Variants in SYT14 observed in about 807,000 individuals in gnomAD.
SYT14 encodes synaptotagmin 14.
A neutral mutation model predicts 74.2 loss-of-function variants in SYT14; 32 were observed. That is an observed-to-expected ratio of 0.43 (90% confidence interval 0.33 to 0.58). SYT14 has a LOEUF of 0.58. Among genes scored for constraint, SYT14 ranks in the 20% least tolerant of loss-of-function variants. The pLI is 0.05. For missense variants in SYT14, 791 were observed against 981.8 expected, an observed-to-expected ratio of 0.81 and a Z score of 2.60; for synonymous variants, 298 against 337.7, an observed-to-expected ratio of 0.88 and a Z score of 1.29.
chr1:210,039,345 A>G (rs761437948), intron 5 of SYT14, among the ~76,000 whole-genome samples: 1 of 152,076 alleles, frequency 6.6e-6, no homozygotes, highest in African/African-American at 2.4e-5. Flanking sequence ...CTCACTGCCA[A>G]AATAGCTGTA....
At chr1:209,954,485 A>G (rs2078961108) in intron 2 of SYT14, among the ~76,000 whole-genome samples, 1 of 152,200 alleles carries the variant, frequency 6.6e-6, no homozygotes, top group Non-Finnish European at 1.5e-5. Flanking sequence ...GTGGAAAAGT[A>G]TCTGAATCTC....
intron 2 of SYT14, among the ~76,000 whole-genome samples, chr1:210,007,288 C>T (rs1277765613): frequency 6.6e-6 from 1 of 151,670 alleles, no homozygotes; most frequent in African/African-American, 2.4e-5. Flanking sequence ...TACCTAGTGC[C>T]CCTTCTCACT....
chr1:210,019,002 G>T (rs916210869), intron 4 of SYT14, among the ~76,000 whole-genome samples: 4 of 151,950 alleles, frequency 2.6e-5, no homozygotes, highest in Non-Finnish European at 5.9e-5. Context: ...CGGGCATGGT[G>T]GTGGGTGCTT....
At chr1:209,980,591 T>C (rs2079465669) in intron 2 of SYT14, among the ~76,000 whole-genome samples, 1 of 152,238 alleles carries the variant, frequency 6.6e-6, no homozygotes, top group Middle Eastern at 3.2e-3. Context: ...GTTTTACATT[T>C]CATTCTTTAT....
At chr1:210,122,677 C>A (rs115782016) in intron 7 of SYT14, among the ~76,000 whole-genome samples, 224 of 151,748 alleles carry the variant, frequency 1.5e-3, no homozygotes, top group African/African-American at 5.1e-3. Flanking sequence ...AAAAAACAGA[C>A]CACATGCCAC....
intron 2 of SYT14, among the ~76,000 whole-genome samples, chr1:209,999,656 A>C (rs1363605537): frequency 1.3e-5 from 2 of 152,226 alleles, no homozygotes; most frequent in Non-Finnish European, 2.9e-5. Context: ...AGACACACAC[A>C]GAAAGACATT....
chr1:210,021,069 G>T, exon 5 of SYT14: 1 of 1,613,880 alleles, frequency 6.2e-7, no homozygotes, highest in Non-Finnish European at 8.5e-7. Flanking sequence ...GATGAGCATG[G>T]TTCATCCTCT....
At chr1:209,986,083 T>C (rs190933974) in intron 2 of SYT14, among the ~76,000 whole-genome samples, 11 of 152,324 alleles carry the variant, frequency 7.2e-5, no homozygotes, top group Non-Finnish European at 1.2e-4. Flanking sequence ...TTTTTAATTT[T>C]GCAAATTTCT....
exon 10 of SYT14, chr1:210,171,108 T>C (rs931316731): frequency 3.9e-5 from 6 of 152,210 alleles, no homozygotes; most frequent in African/African-American, 1.4e-4. Flanking sequence ...AGTTTGTTGA[T>C]TTTTAATTCT....
intron 5 of SYT14, among the ~76,000 whole-genome samples, chr1:210,075,795 T>C (rs1450734351): frequency 1.3e-5 from 2 of 152,050 alleles, no homozygotes; most frequent in African/African-American, 4.8e-5. Flanking sequence ...GCCTTTCCCT[T>C]CCCAGCACTT....
At chr1:210,155,653 G>T in intron 7 of SYT14, 68 bp from the exon 7 acceptor site, 1 of 1,523,910 alleles carries the variant, frequency 6.6e-7, no homozygotes, top group South Asian at 1.1e-5. Flanking sequence ...AATAAACATG[G>T]CATAACAATA....
At chr1:210,095,487 C>A (rs1012149457) in intron 6 of SYT14, among the ~76,000 whole-genome samples, 3 of 152,166 alleles carry the variant, frequency 2.0e-5, no homozygotes, top group African/African-American at 7.2e-5. Flanking sequence ...TTCCTGGGCT[C>A]AAGCAATCTT....
At chr1:210,049,771 G>A (rs567095940) in intron 5 of SYT14, among the ~76,000 whole-genome samples, 7 of 152,306 alleles carry the variant, frequency 4.6e-5, no homozygotes, top group Admixed American at 1.3e-4. Context: ...CAGGGGTTGT[G>A]GCTTGCACCC....
intron 2 of SYT14, among the ~76,000 whole-genome samples, chr1:210,000,466 G>GCGCACACACACACACACACACACA (rs1553264180): frequency 7.0e-6 from 1 of 143,102 alleles, no homozygotes; most frequent in African/African-American, 2.6e-5. Flanking sequence ...GTCCTCATAC[G>GCGCACACACACACACACACACACA]CACACACACA....
intron 7 of SYT14, among the ~76,000 whole-genome samples, chr1:210,154,859 G>A (rs2083237118): frequency 6.6e-6 from 1 of 152,064 alleles, no homozygotes; most frequent in Non-Finnish European, 1.5e-5. Flanking sequence ...ATATTTTGTA[G>A]TTATTAGGTA....
chr1:209,973,509 G>A (rs2079296745), intron 2 of SYT14, among the ~76,000 whole-genome samples: 2 of 152,058 alleles, frequency 1.3e-5, no homozygotes, highest in Admixed American at 1.3e-4. Context: ...ATGGTTTCCA[G>A]CTTCAACCAT....
intron 2 of SYT14, among the ~76,000 whole-genome samples, chr1:210,004,039 G>A (rs941703492): frequency 6.6e-6 from 1 of 151,882 alleles, no homozygotes; most frequent in Admixed American, 6.6e-5. Context: ...GAATCAGATA[G>A]CATAATAGAA....
chr1:210,069,607 G>A (rs227204), intron 5 of SYT14, among the ~76,000 whole-genome samples: 52,068 of 151,558 alleles, frequency 0.34, 9,889 homozygotes, highest in Non-Finnish European at 0.42. Flanking sequence ...TGCTTACACA[G>A]CTTTTAAAAA....
chr1:210,106,133 T>A (rs2082153940), intron 7 of SYT14, among the ~76,000 whole-genome samples: 1 of 152,204 alleles, frequency 6.6e-6, no homozygotes, highest in Non-Finnish European at 1.5e-5. Context: ...GCAGATTTGA[T>A]TACCTGGGAA....
Sources: allele counts gnomAD v4.1 joint callset (sites outside exome capture counted in the v4.1 genomes callset), GRCh38; gene constraint gnomAD v4.1.1; transcripts MANE v1.5; gene names NCBI Gene and HGNC (gene_info 2026-07-23, HGNC 2026-07-21).